The following KLF12 variants were observed in gnomAD, a reference collection of about 807,000 sequenced individuals.
KLF12 encodes KLF transcription factor 12, also known as Krueppel-like factor 12.
KLF12 carries 9 observed loss-of-function variants against 37.8 expected under a neutral mutation model. The observed-to-expected ratio is 0.24, with a 90% confidence interval of 0.14 to 0.42. The LOEUF (loss-of-function observed/expected upper bound fraction) is 0.42. KLF12 is among the 10% of genes least tolerant of loss of function. The probability of loss-of-function intolerance (pLI) is 1.00; values close to 1 mark genes in which losing one functional copy is unlikely to be tolerated. For missense variants in KLF12, 411 were observed against 516.0 expected, an observed-to-expected ratio of 0.80 and a Z score of 1.97; for synonymous variants, 208 against 202.1, an observed-to-expected ratio of 1.03 and a Z score of -0.25.
In KLF12 at chr13:73,695,174, A is replaced by C. The variant is rs377557783; in HGVS notation, c.*316T>G. Reference sequence around the variant, plus strand: ...TGACCTTTAAGGTATCAATAACAAAATGTCTGACAGCTCAGAAAATGTACA... The same window carrying C: ...TGACCTTTAAGGTATCAATAACAAACTGTCTGACAGCTCAGAAAATGTACA... On this transcript the variant is annotated 3_prime_UTR_variant, in exon 8 of 8. Transcript: ENST00000377669. The C allele has an allele frequency of 5.3e-5, 15 of 283,700 alleles. No homozygotes were observed. The East Asian group carries it at 9.5e-4, about 18-fold the overall frequency. 17.6% of individuals were successfully genotyped at this position (283,700 alleles called of 1,614,324 possible).
chr13:74,094,820 G>A (rs575245443), intron 1 of KLF12, among the ~76,000 whole-genome samples: 1 of 152,146 alleles, frequency 6.6e-6, no homozygotes, highest in South Asian at 2.1e-4. Flanking sequence ...GGCTGGTTAT[G>A]AACTCCTGAC....
At chr13:74,056,446 G>GTTATTAA (rs1873249265) in intron 1 of KLF12, among the ~76,000 whole-genome samples, 1 of 152,178 alleles carries the variant, frequency 6.6e-6, no homozygotes, top group Non-Finnish European at 1.5e-5. Context: ...TTCATATGGT[G>GTTATTAA]TGTGATGAAT....
At chr13:74,160,821 G>A in the KLF12 span, among the ~76,000 whole-genome samples, 2 of 152,308 alleles carry the variant, frequency 1.3e-5, no homozygotes, top group East Asian at 3.9e-4. Flanking sequence ...GCCTGCTCTA[G>A]TTAAGTTGAA....
chr13:73,803,927 T>C (rs1235439044), intron 5 of KLF12, among the ~76,000 whole-genome samples: 1 of 152,192 alleles, frequency 6.6e-6, no homozygotes, highest in Non-Finnish European at 1.5e-5. Context: ...CAGTCCTCAA[T>C]CTGTATAACC....
At chr13:73,938,413 T>C (rs1890044151) in intron 3 of KLF12, among the ~76,000 whole-genome samples, 1 of 152,166 alleles carries the variant, frequency 6.6e-6, no homozygotes, top group South Asian at 2.1e-4. Context: ...CACCCGTCTA[T>C]ATTTCTTTAT....
chr13:73,973,278 G>C (rs974258188), intron 2 of KLF12, among the ~76,000 whole-genome samples: 1 of 152,272 alleles, frequency 6.6e-6, no homozygotes, highest in African/African-American at 2.4e-5. Context: ...CCAATAAAAA[G>C]GAAAGCCACA....
At chr13:74,122,117 C>T (rs1463071363) in intron 1 of KLF12, among the ~76,000 whole-genome samples, 1 of 151,840 alleles carries the variant, frequency 6.6e-6, no homozygotes, top group African/African-American at 2.4e-5. Flanking sequence ...AGGTTGTATT[C>T]AAAAGATACT....
At chr13:73,729,229 T>C (rs762252494) in intron 6 of KLF12, among the ~76,000 whole-genome samples, 4 of 152,226 alleles carry the variant, frequency 2.6e-5, no homozygotes, top group Non-Finnish European at 5.9e-5. Context: ...TAAAGTATCA[T>C]GTGTTATTTA....
intron 2 of KLF12, among the ~76,000 whole-genome samples, chr13:73,947,082 C>T (rs1277146823): frequency 6.6e-6 from 1 of 152,182 alleles, no homozygotes; most frequent in African/African-American, 2.4e-5. Context: ...AATCAAAACA[C>T]ATTTGCTGTG....
chr13:73,907,149 C>T (rs1168970566), intron 3 of KLF12, among the ~76,000 whole-genome samples: 1 of 152,116 alleles, frequency 6.6e-6, no homozygotes, highest in Non-Finnish European at 1.5e-5. Flanking sequence ...AATGCAAAGT[C>T]CATATTATTT....
At chr13:73,922,259 G>T (rs4321078) in intron 3 of KLF12, among the ~76,000 whole-genome samples, 119,785 of 151,998 alleles carry the variant, frequency 0.79, 48,425 homozygotes, top group Non-Finnish European at 0.88. Context: ...AGACCAAAGT[G>T]GCGTTTGCTT....
intron 1 of KLF12, among the ~76,000 whole-genome samples, chr13:74,126,241 T>C (rs922099005): frequency 2.6e-4 from 39 of 152,190 alleles, no homozygotes; most frequent in African/African-American, 9.4e-4. Flanking sequence ...TATCATTGAA[T>C]ATTTATTTAA....
chr13:74,000,969 G>A (rs1386510200), intron 1 of KLF12, among the ~76,000 whole-genome samples: 8 of 152,160 alleles, frequency 5.3e-5, no homozygotes, highest in African/African-American at 1.9e-4. Context: ...GTACTGCAAA[G>A]GATTGACAAG....
Position 73,846,383 on chromosome 13 carries a change from GA to G in KLF12, c.124-11del. 6.3e-7 allele frequency: 1 copy of G among 1,596,558 alleles called. No homozygotes were observed. The highest frequency in any genetic ancestry group is 8.5e-7 in the Non-Finnish European group (1 of 1,172,142). ...TGTGGACGTTTGGAGACTGTGGGGA[GA>G]AAAATGGAACATATATTTATCTTTG... On this transcript the variant is annotated splice_polypyrimidine_tract_variant and intron_variant, in intron 3 of 7. Coordinates refer to ENST00000377669, the MANE Select transcript of KLF12 (RefSeq NM_007249.5).
At chr13:74,173,849 A>C in the KLF12 span, among the ~76,000 whole-genome samples, 1 of 152,182 alleles carries the variant, frequency 6.6e-6, no homozygotes, top group East Asian at 1.9e-4. Context: ...TTTTATATCC[A>C]GTTGGTGGGA....
At chr13:73,846,945 A>G (rs986157852) in intron 3 of KLF12, among the ~76,000 whole-genome samples, 4 of 152,226 alleles carry the variant, frequency 2.6e-5, no homozygotes, top group Non-Finnish European at 5.9e-5. Context: ...ATTTTAGGAA[A>G]TAATAATTTA....
chr13:73,745,975 A>C (rs895535979), intron 6 of KLF12, among the ~76,000 whole-genome samples: 2 of 152,134 alleles, frequency 1.3e-5, no homozygotes, highest in African/African-American at 4.8e-5. Flanking sequence ...ATGCTTTCAA[A>C]ATAGGTCTCT....
chr13:73,939,111 G>A (rs553776963), intron 3 of KLF12, among the ~76,000 whole-genome samples: 1 of 152,174 alleles, frequency 6.6e-6, no homozygotes, highest in Non-Finnish European at 1.5e-5. Context: ...GGAGAGAAGA[G>A]AGGCAGGATA....
chr13:73,910,575 AG>A (rs961895411), intron 3 of KLF12, among the ~76,000 whole-genome samples: 1 of 152,174 alleles, frequency 6.6e-6, no homozygotes, highest in Non-Finnish European at 1.5e-5. Context: ...AATAGTTAAG[AG>A]GGGTAGGAGA....
Sources: allele counts gnomAD v4.1 joint callset (sites outside exome capture counted in the v4.1 genomes callset), GRCh38; gene constraint gnomAD v4.1.1; transcripts MANE v1.5; gene names NCBI Gene and HGNC (gene_info 2026-07-23, HGNC 2026-07-21).